DCDC2C: variants seen among roughly 807,000 people sequenced by gnomAD.
DCDC2C encodes the protein doublecortin domain containing 2C.
In DCDC2C, 44 loss-of-function variants were observed where a neutral mutation model predicts 45.0. The observed-to-expected ratio is 0.98, with a 90% CI of 0.77 to 1.26. The LOEUF is 1.26. Ranked by LOEUF, DCDC2C falls within the 50% of genes most tolerant of loss-of-function variation. The pLI, the probability that DCDC2C is intolerant of heterozygous loss-of-function variation, is 0.00. For missense variants in DCDC2C, 447 were observed against 468.9 expected (o/e 0.95, Z 0.43); for synonymous variants, 187 against 178.8 (o/e 1.05, Z -0.37).
chr2:3,707,713 C>G (rs1668103258), intron 1 of DCDC2C, among the ~76,000 whole-genome samples: 1 of 152,232 alleles, frequency 6.6e-6, no homozygotes, highest in African/African-American at 2.4e-5. Flanking sequence ...CCACCAGCCA[C>G]AGCCCCCACC....
chr2:3,753,825 C>T (rs887643830), intron 5 of DCDC2C, among the ~76,000 whole-genome samples: 5 of 152,312 alleles, frequency 3.3e-5, no homozygotes, highest in Admixed American at 1.3e-4. Context: ...GAAAGGCTCC[C>T]TTTGTCCTGT....
chr2:3,795,026 G>A (rs1370753098), intron 10 of DCDC2C, among the ~76,000 whole-genome samples: 1 of 152,126 alleles, frequency 6.6e-6, no homozygotes, highest in Non-Finnish European at 1.5e-5. Context: ...TCCAGCACCT[G>A]TTGTTTTCTG....
At position 3,742,047 on chromosome 2, in the gene DCDC2C, A is replaced by T; in HGVS notation, c.544A>T (p.Lys182Ter). The part of the protein sequence containing the change: ...EKVFPLGGVR[K>*]LFTMNGHLLG... ...AGTCTTCCCTCTAGGAGGCGTTCGG[A>T]AGTAAGGAGACTCTCGCCTTTAGGA... Residue 182 changes from lysine to a stop codon, truncating the protein, a stop_gained and splice_region_variant, in exon 4 of 11, where the codon AAA (lysine) becomes TAA (stop). Transcript: ENST00000399143. LOFTEE classifies it high-confidence loss of function. 1 of 1,536,162 alleles carries T rather than the reference A, an allele frequency of 6.5e-7. No homozygotes were observed. The highest frequency in any genetic ancestry group is 8.8e-7 in the Non-Finnish European group (1 of 1,141,380).
At chr2:3,729,323 A>G (rs1465846108) in intron 3 of DCDC2C, among the ~76,000 whole-genome samples, 2 of 152,188 alleles carry the variant, frequency 1.3e-5, no homozygotes, top group Non-Finnish European at 2.9e-5. Context: ...CTGGAGAAGA[A>G]GGGGCCATTG....
At chr2:3,762,162 C>CTTTTTTTTTT (rs56067833) in intron 6 of DCDC2C, among the ~76,000 whole-genome samples, 7,209 of 127,040 alleles carry the variant, frequency 0.057, 360 homozygotes, top group African/African-American at 0.11. Context: ...TTGCTTGAAC[C>CTTTTTTTTTT]TTTTTTTTTT....
At chr2:3,826,283 TA>T (rs1450145298) in intron 10 of DCDC2C, among the ~76,000 whole-genome samples, 2 of 152,204 alleles carry the variant, frequency 1.3e-5, no homozygotes, top group East Asian at 3.9e-4. Flanking sequence ...TACAAATTTT[TA>T]AAGTTTTTCA....
At position 3,753,853 on chromosome 2, in the gene DCDC2C, A is replaced by G. The variant is rs142078735; in HGVS notation, c.684-739A>G. ...TGTCCTGTCTGCCAAGGACGACCCC[A>G]CAGCAGTTTGATATCCAGGCAGATG... is the stretch of plus-strand genomic sequence containing the variant. On this transcript the variant is annotated intron_variant, in intron 5 of 10. Transcript: ENST00000399143. Among the ~76,000 whole-genome samples the G allele has an allele frequency of 3.0e-3, 452 of 152,310 alleles. 3 individuals are homozygous for G. Among genetic ancestry groups the G allele is most frequent in the African/African-American group, 0.01 (433 of 41,566 alleles).
intron 2 of DCDC2C, chr2:3,726,144 G>A (rs10210454): frequency 0.051 from 7,780 of 152,570 alleles, 681 homozygotes; most frequent in African/African-American, 0.17. Context: ...GGTGTGAAGG[G>A]ACCCCAAGCT....
chr2:3,714,114 A>G (rs1285028118), intron 2 of DCDC2C, among the ~76,000 whole-genome samples: 1 of 152,226 alleles, frequency 6.6e-6, no homozygotes, highest in Non-Finnish European at 1.5e-5. Flanking sequence ...GTTTTGATCA[A>G]AATATATTAA....
intron 2 of DCDC2C, among the ~76,000 whole-genome samples, chr2:3,719,388 T>G (rs1216850795): frequency 3.3e-5 from 5 of 152,202 alleles, no homozygotes; most frequent in African/African-American, 1.2e-4. Context: ...CCCAGCCAGC[T>G]GTTTTCATTT....
At chr2:3,726,836 T>G (rs1053390971) in intron 2 of DCDC2C, among the ~76,000 whole-genome samples, 167 bp from the exon 3 acceptor site, 7 of 152,054 alleles carry the variant, frequency 4.6e-5, no homozygotes, top group Non-Finnish European at 8.8e-5. Flanking sequence ...CCCCAGCACC[T>G]GGTCTGCCTC....
At chr2:3,725,726 TG>T (rs878975278) in intron 2 of DCDC2C, among the ~76,000 whole-genome samples, 1,857 of 102,574 alleles carry the variant, frequency 0.018, 16 homozygotes, top group African/African-American at 0.03. Context: ...GTGACGAGGC[TG>T]GCCAGGTGGA....
intron 5 of DCDC2C, among the ~76,000 whole-genome samples, chr2:3,753,146 A>G (rs1240882521): frequency 1.3e-5 from 2 of 152,258 alleles, no homozygotes; most frequent in African/African-American, 4.8e-5. Flanking sequence ...CTGGGATACC[A>G]GGAGTCTTAG....
chr2:3,766,087 G>A (rs148253491), intron 6 of DCDC2C, among the ~76,000 whole-genome samples: 3 of 152,210 alleles, frequency 2.0e-5, no homozygotes, highest in Non-Finnish European at 4.4e-5. Flanking sequence ...GACTTTCCAC[G>A]TCAGGGTGGA....
At chr2:3,813,483 A>T (rs1671472541) in intron 10 of DCDC2C, among the ~76,000 whole-genome samples, 1 of 151,952 alleles carries the variant, frequency 6.6e-6, no homozygotes, top group East Asian at 1.9e-4. Context: ...TGTCTCGTTG[A>T]TCTGTTTAAT....
At chr2:3,846,806 G>A (rs1416653501) in intron 10 of DCDC2C, among the ~76,000 whole-genome samples, 4 of 152,092 alleles carry the variant, frequency 2.6e-5, no homozygotes, top group Admixed American at 1.3e-4. Flanking sequence ...TCAGGATGGG[G>A]GCTGTGGAGT....
chr2:3,734,556 G>A lies in DCDC2C; in HGVS notation c.417-7364G>A, dbSNP rs1008079112. Among the ~76,000 whole-genome samples the A allele has an allele frequency of 6.6e-6, 1 of 152,146 alleles. No individual in the cohort carries two copies. Among genetic ancestry groups the A allele is most frequent in the African/African-American group, 2.4e-5 (1 of 41,420 alleles). ...GTAGATTTCGTAAGAGGGAAGTTTA[G>A]CCACAGAGAAATGCTGTGTTCTCAT... On this transcript the variant is annotated intron_variant, in intron 3 of 10. Coordinates refer to ENST00000399143, the MANE Select transcript of DCDC2C (RefSeq NM_001287444.2). This position sits in a 1 kb window ranked among gnomAD's most constrained non-coding sequence, Gnocchi z 4.2.
intron 2 of DCDC2C, among the ~76,000 whole-genome samples, chr2:3,717,242 C>T (rs1668373580): frequency 6.6e-6 from 1 of 152,192 alleles, no homozygotes; most frequent in Non-Finnish European, 1.5e-5. Flanking sequence ...CTCTCAAAGT[C>T]AGGACCCACA....
rs191211558 is a variant in DCDC2C, at chr2:3,709,493, C to T, written c.339+893C>T. ...CAGGCACCAGCTTCCAGAAGCGTTC[C>T]GCTGCCTTCTTGGAGTCTGCCCTTG... On this transcript the variant is annotated intron_variant, in intron 2 of 10. Transcript: ENST00000399143. Among the ~76,000 whole-genome samples, 7 of 152,334 alleles carry T rather than the reference C, an allele frequency of 4.6e-5. No homozygotes were observed. In the East Asian group the frequency reaches 5.8e-4, roughly 13 times the overall value.
Sources: allele counts gnomAD v4.1 joint callset (sites outside exome capture counted in the v4.1 genomes callset), GRCh38; gene constraint gnomAD v4.1.1; non-coding constraint Gnocchi (gnomAD v3.1); transcripts MANE v1.5; gene names NCBI Gene and HGNC (gene_info 2026-07-23, HGNC 2026-07-21).